Variants in MAP6D1 observed in about 807,000 individuals in gnomAD.
The protein encoded by MAP6D1 is MAP6 domain containing 1.
Under a neutral mutation model 17.4 loss-of-function variants are expected in MAP6D1, and 13 were observed. That is an observed-to-expected ratio of 0.75 (90% CI 0.49 to 1.19). MAP6D1 has a LOEUF of 1.19. MAP6D1 is among the 50% of genes most tolerant of loss of function. MAP6D1 has a pLI of 0.00. For missense variants in MAP6D1, 313 were observed against 312.6 expected (o/e 1.00, Z -0.01); for synonymous variants, 141 against 145.7 (o/e 0.97, Z 0.23).
At chr3:183,821,418 G>A (rs1727252633) in intron 1 of MAP6D1, among the ~76,000 whole-genome samples, 2 of 152,182 alleles carry the variant, frequency 1.3e-5, no homozygotes, top group South Asian at 4.1e-4. Flanking sequence ...TAACCTCAGG[G>A]AGTGCTGAGC....
chr3:183,818,019 T>C lies in MAP6D1; in HGVS notation c.494A>G (p.Asp165Gly). The change falls in exon 2 of 3, where the codon GAC (aspartate) becomes GGC (glycine). Residue 165 changes from aspartate to glycine, a missense_variant. Physicochemically the swap from Asp to Gly is moderately conservative, Grantham distance 94. Transcript: ENST00000318631. ...RVITTHTSGWDSSPGAGFQVP... is the reference protein window; with the variant it reads ...RVITTHTSGWGSSPGAGFQVP... Reference sequence around the variant, plus strand: ...CTGGAAGCCGGCCCCAGGGCTGCTGTCCCATCCCGAAGTGTGGGTTGTGAT... The same window carrying C: ...CTGGAAGCCGGCCCCAGGGCTGCTGCCCCATCCCGAAGTGTGGGTTGTGAT... 1 of 1,614,154 alleles carries C rather than the reference T, an allele frequency of 6.2e-7. No individual in the cohort carries two copies. Among genetic ancestry groups the C allele is most frequent in the African/African-American group, 1.3e-5 (1 of 75,050 alleles).
chr3:183,825,553 C>G lies in MAP6D1; in HGVS notation c.-6G>C, dbSNP rs945424690. 1.6e-6 allele frequency: 2 copies of G among 1,212,926 alleles called. No individual in the cohort carries two copies. Among genetic ancestry groups the G allele is most frequent in the African/African-American group, 1.6e-5 (1 of 62,916 alleles). The allele number at this position is 1,212,926 out of a possible 1,614,324, so 75.1% of individuals were successfully genotyped here. On this transcript the variant is annotated 5_prime_UTR_variant, in exon 1 of 3. Coordinates refer to ENST00000318631, the MANE Select transcript of MAP6D1 (RefSeq NM_024871.4). Reference sequence around the variant, plus strand: ...CTGATACAGGGCCACGCCATGCCAGCCCCGGCGCCCGCCGCCCCGCTCCCG... The same window carrying G: ...CTGATACAGGGCCACGCCATGCCAGGCCCGGCGCCCGCCGCCCCGCTCCCG...
Position 183,825,575 on chromosome 3 carries a change from C to T in MAP6D1, c.-28G>A, listed in dbSNP as rs895416185. ...CAGCCCCGGCGCCCGCCGCCCCGCT[C>T]CCGGCGCGCGGCGCTCCCGGCCGCG... On this transcript the variant is annotated 5_prime_UTR_variant, in exon 1 of 3. Coordinates refer to ENST00000318631, the MANE Select transcript of MAP6D1 (RefSeq NM_024871.4). The T allele has an allele frequency of 4.2e-6, 5 of 1,180,332 alleles. No individual in the cohort carries two copies. Among genetic ancestry groups the T allele is most frequent in the Non-Finnish European group, 5.2e-6 (5 of 956,568 alleles). The allele number at this position is 1,180,332 out of a possible 1,614,324, so 73.1% of individuals were successfully genotyped here.
intron 1 of MAP6D1, among the ~76,000 whole-genome samples, chr3:183,820,884 G>A (rs1727236600): frequency 7.0e-6 from 1 of 143,836 alleles, no homozygotes; most frequent in Non-Finnish European, 1.5e-5. Flanking sequence ...TCCAGCTTGG[G>A]CAACAAAGCA....
At chr3:183,821,605 G>T (rs1399377239) in intron 1 of MAP6D1, among the ~76,000 whole-genome samples, 1 of 149,148 alleles carries the variant, frequency 6.7e-6, no homozygotes, top group African/African-American at 2.5e-5. Flanking sequence ...GAGTGCAGTG[G>T]CTCTATCTCG....
In MAP6D1 at chr3:183,825,391, G is replaced by C; in HGVS notation, c.157C>G (p.Pro53Ala). Residue 53 changes from proline to alanine, a missense_variant, in exon 1 of 3, where the codon CCT (proline) becomes GCT (alanine). By Grantham distance (27) the Pro-to-Ala change is conservative. Coordinates refer to ENST00000318631, the MANE Select transcript of MAP6D1 (RefSeq NM_024871.4). ...TGGAASRRGQ[P>A]PAGARDSGRD... is the part of the protein sequence containing the mutation. ...CCGGAATCCCGGGCGCCCGCGGGAGGCTGGCCCCTGCGCGAGGCGGCGCCG... is the reference window on the plus strand; with the variant it reads ...CCGGAATCCCGGGCGCCCGCGGGAGCCTGGCCCCTGCGCGAGGCGGCGCCG... The C allele has an allele frequency of 1.4e-6, 2 of 1,444,794 alleles. No individual in the cohort carries two copies. The highest frequency in any genetic ancestry group is 1.8e-6 in the Non-Finnish European group (2 of 1,101,798). 89.5% of individuals were successfully genotyped at this position (1,444,794 alleles called of 1,614,324 possible). A position where few individuals can be genotyped will look rare whatever the true frequency, so the allele number is the denominator to read the frequency against.
At chr3:183,825,037 C>G in intron 1 of MAP6D1, 110 bp downstream of exon 1, 2 of 1,158,822 alleles carry the variant, frequency 1.7e-6, no homozygotes, top group South Asian at 7.2e-5. Flanking sequence ...GCGTGGGATC[C>G]GGGCTCCAGG....
At chr3:183,819,395 T>C (rs1727194089) in intron 1 of MAP6D1, among the ~76,000 whole-genome samples, 1 of 152,136 alleles carries the variant, frequency 6.6e-6, no homozygotes, top group Non-Finnish European at 1.5e-5. Context: ...CCCAAAACAC[T>C]TCACATGCCC....
chr3:183,824,173 CACCCT>C (rs1727319356), intron 1 of MAP6D1, among the ~76,000 whole-genome samples: 1 of 152,336 alleles, frequency 6.6e-6, no homozygotes, highest in African/African-American at 2.4e-5. Flanking sequence ...CCTGAGCTCC[CACCCT>C]ACCTTGTAGG....
chr3:183,820,811 G>A (rs1410821770), intron 1 of MAP6D1, among the ~76,000 whole-genome samples: 1 of 152,180 alleles, frequency 6.6e-6, no homozygotes, highest in Non-Finnish European at 1.5e-5. Flanking sequence ...GGAGGCTGAG[G>A]CAGGAGAATG....
At chr3:183,822,684 C>G (rs1049731286) in intron 1 of MAP6D1, among the ~76,000 whole-genome samples, 2 of 152,316 alleles carry the variant, frequency 1.3e-5, no homozygotes, top group Non-Finnish European at 1.5e-5. Context: ...GTCTTGCATT[C>G]ACTGACACGT....
Position 183,825,385 on chromosome 3 carries a change from C to A in MAP6D1, c.163G>T (p.Ala55Ser). 1 of 1,443,228 alleles carries A rather than the reference C, an allele frequency of 6.9e-7. No individual in the cohort carries two copies. The allele number at this position is 1,443,228 out of a possible 1,614,324, so 89.4% of individuals were successfully genotyped here. The change falls in exon 1 of 3, where the codon GCG becomes TCG. Residue 55 changes from alanine (A) to serine (S), a missense_variant. Transcript: ENST00000318631. ...TCCCGGCCGGAATCCCGGGCGCCCG[C>A]GGGAGGCTGGCCCCTGCGCGAGGCG... Reference protein sequence around the residue: ...GAASRRGQPPAGARDSGRDVP... With the variant: ...GAASRRGQPPSGARDSGRDVP...
Position 183,818,106 on chromosome 3 carries a change from TC to T in MAP6D1, c.406del (p.Glu136AsnfsTer8). 1 of 1,613,758 alleles carries T rather than the reference TC, an allele frequency of 6.2e-7. No homozygotes were observed. Among genetic ancestry groups the T allele is most frequent in the Non-Finnish European group, 8.5e-7 (1 of 1,179,682 alleles). On this transcript the variant is annotated frameshift_variant, in exon 2 of 3. Transcript: ENST00000318631. LOFTEE classifies it high-confidence loss of function. Reference sequence around the variant, plus strand: ...CTTCACTCCAGTCCAAGCCTGGAATTCCTGTCTGGAACAGAGAACACGGTCA... The same window carrying T: ...CTTCACTCCAGTCCAAGCCTGGAATTCTGTCTGGAACAGAGAACACGGTCA... ...AAAVTTSYRQ[E>X]FQAWTGVKPS...
intron 1 of MAP6D1, 117 bp from the exon 2 acceptor site, chr3:183,818,228 C>T (rs1252075372): frequency 1.2e-6 from 1 of 800,122 alleles, no homozygotes; most frequent in South Asian, 1.6e-5. Flanking sequence ...ACCCTCGGCT[C>T]CAGGCAGTCC....
rs370051373 is a variant in MAP6D1 at position 183,818,127 on chromosome 3, C to T, written c.402-16G>A. 1.2e-4 allele frequency: 187 copies of T among 1,606,096 alleles called. No homozygotes were observed. Among genetic ancestry groups the T allele is most frequent in the Non-Finnish European group, 1.4e-4 (165 of 1,172,824 alleles). ...GAATTCCTGTCTGGAACAGAGAACA[C>T]GGTCACAAGCTTGCACAGGGTCAGC... On this transcript the variant is annotated splice_polypyrimidine_tract_variant and intron_variant, in intron 1 of 2. Coordinates refer to ENST00000318631, the MANE Select transcript of MAP6D1 (RefSeq NM_024871.4).
Position 183,815,954 on chromosome 3 carries a change from A to G in MAP6D1, c.*1402T>C, listed in dbSNP as rs1727091861. On this transcript the variant is annotated 3_prime_UTR_variant, in exon 3 of 3. Coordinates refer to ENST00000318631, the MANE Select transcript of MAP6D1 (RefSeq NM_024871.4). ...ATTTTAGTAAAATCTGAGATTGTAC[A>G]GTTTTTAATCTCATTTCCACAGACA... is the stretch of plus-strand genomic sequence containing the variant. The G allele has an allele frequency of 6.6e-6, 1 of 152,262 alleles. No homozygotes were observed. Among genetic ancestry groups the G allele is most frequent in the Non-Finnish European group, 1.5e-5 (1 of 68,050 alleles). The allele number at this position is 152,262 out of a possible 1,614,324, so 9.4% of individuals were successfully genotyped here.
rs897549132 is a variant in MAP6D1 at position 183,816,408 on chromosome 3, T to A, written c.*948A>T. The A allele has an allele frequency of 6.6e-6, 1 of 152,248 alleles. No individual in the cohort carries two copies. Among genetic ancestry groups the A allele is most frequent in the Non-Finnish European group, 1.5e-5 (1 of 68,080 alleles). 9.4% of individuals were successfully genotyped at this position (152,248 alleles called of 1,614,324 possible). The stretch of plus-strand genomic sequence containing the variant: ...GTGTGAAGGCACCAGGCGTGACCCA[T>A]GTGGCCATGCTGGCTGGAATTTACG... On this transcript the variant is annotated 3_prime_UTR_variant, in exon 3 of 3. Coordinates refer to ENST00000318631, the MANE Select transcript of MAP6D1 (RefSeq NM_024871.4).
Position 183,818,151 on chromosome 3 carries a change from G to A in MAP6D1, c.402-40C>T, listed in dbSNP as rs779937300. 2.8e-5 allele frequency: 44 copies of A among 1,567,884 alleles called. No homozygotes were observed. In the Admixed American group the frequency reaches 7.2e-4, roughly 26 times the overall value. The stretch of plus-strand genomic sequence containing the variant: ...ACGGTCACAAGCTTGCACAGGGTCA[G>A]CCACCCCTTTACCGACTCCCCAGGG... On this transcript the variant is annotated intron_variant, in intron 1 of 2. Transcript: ENST00000318631.
rs566471974 is a variant in MAP6D1, at chr3:183,824,780, TG to T, written c.401+366del. Among the ~76,000 whole-genome samples the T allele has an allele frequency of 6.6e-5, 10 of 152,324 alleles. No homozygotes were observed. In the South Asian group the frequency reaches 2.1e-3, roughly 32 times the overall value. On this transcript the variant is annotated intron_variant, in intron 1 of 2. Transcript: ENST00000318631. Reference sequence around the variant, plus strand: ...AGTGACCGGAGAGAGCTGGGGGACATGGCCTGCGCGCACCCCTCGCACGGCT... The same window carrying T: ...AGTGACCGGAGAGAGCTGGGGGACATGCCTGCGCGCACCCCTCGCACGGCT...
Sources: gnomAD v4.1 joint callset for allele counts (sites outside exome capture counted in the v4.1 genomes callset) on GRCh38, gnomAD v4.1.1 for gene constraint, MANE v1.5 for transcripts, NCBI Gene and HGNC (gene_info 2026-07-23, HGNC 2026-07-21) for gene names.